Variants in NKX6-3 observed in about 807,000 individuals in gnomAD.
NKX6-3 encodes the protein homeobox protein Nkx-6.3.
A neutral mutation model predicts 22.0 loss-of-function variants in NKX6-3; 17 were observed. The observed-to-expected ratio is 0.77, with a 90% CI of 0.53 to 1.16. The LOEUF is 1.16. Among genes scored for constraint, NKX6-3 ranks in the 50% most tolerant of loss-of-function variants. The pLI is 0.00. For missense variants in NKX6-3, 363 were observed against 359.0 expected (o/e 1.01, Z -0.09); for synonymous variants, 177 against 167.2 (o/e 1.06, Z -0.45).
At position 41,650,377 on chromosome 8, in the gene NKX6-3, C is replaced by T. The variant is rs767690864; in HGVS notation, c.116G>A (p.Ser39Asn). 2.0e-6 allele frequency: 3 copies of T among 1,535,470 alleles called. No individual in the cohort carries two copies. Among genetic ancestry groups the T allele is most frequent in the Non-Finnish European group, 8.7e-7 (1 of 1,146,580 alleles). The change falls in exon 1 of 3, where the codon AGC (serine) becomes AAC (asparagine). Residue 39 changes from serine (S) to asparagine (N), a missense_variant. Around this residue, in one of 3 missense-constraint regions of NKX6-3, gnomAD observed 175 missense variants for 160.9 expected, o/e 1.09. Transcript: ENST00000518699. Reference sequence around the variant, plus strand: ...CAGCTGGGGGCCCAGCCCTGGGGGGCTGAGCTTGTAGAAGGAGTTCTGCAC... The same window carrying T: ...CAGCTGGGGGCCCAGCCCTGGGGGGTTGAGCTTGTAGAAGGAGTTCTGCAC... Reference protein sequence around the residue: ...YSVQNSFYKLSPPGLGPQLAA... With the variant: ...YSVQNSFYKLNPPGLGPQLAA...
chr8:41,649,856 G>C (rs892567453), intron 1 of NKX6-3, among the ~76,000 whole-genome samples: 2 of 152,092 alleles, frequency 1.3e-5, no homozygotes, highest in African/African-American at 4.8e-5. Flanking sequence ...GAACTGCCGG[G>C]GGCCCTAGGA....
Position 41,650,596 on chromosome 8 carries a change from T to C in NKX6-3, c.-104A>G. 1 of 1,192,680 alleles carries C rather than the reference T, an allele frequency of 8.4e-7. No individual in the cohort carries two copies. The highest frequency in any genetic ancestry group is 1.1e-6 in the Non-Finnish European group (1 of 872,576). The allele number at this position is 1,192,680 out of a possible 1,614,324, so 73.9% of individuals were successfully genotyped here. A position where few individuals can be genotyped will look rare whatever the true frequency, so the allele number is the denominator to read the frequency against. ...GCAGGCCTGGAGGCTTAGGACCGTC[T>C]CCGAGCTCCTGACTGCCTCCCACCT... On this transcript the variant is annotated 5_prime_UTR_variant, in exon 1 of 3. Coordinates refer to ENST00000518699, the MANE Select transcript of NKX6-3 (RefSeq NM_001364841.2).
At chr8:41,650,064 G>A (rs1440114844) in intron 1 of NKX6-3, 47 bp downstream of exon 1, 5 of 1,495,848 alleles carry the variant, frequency 3.3e-6, no homozygotes, top group East Asian at 2.5e-5. Context: ...TCTGCCCCCC[G>A]GGGCCTGGCG....
chr8:41,649,567 C>T (rs928778791), intron 1 of NKX6-3, among the ~76,000 whole-genome samples: 22 of 152,328 alleles, frequency 1.4e-4, no homozygotes, highest in Middle Eastern at 6.8e-3. Context: ...AGACAGGCTA[C>T]TTGGTGTGGC....
intron 1 of NKX6-3, 127 bp downstream of exon 1, chr8:41,649,984 C>G: frequency 9.7e-7 from 1 of 1,027,284 alleles, no homozygotes; most frequent in South Asian, 1.7e-5. Flanking sequence ...GGCTACGAGT[C>G]CAGGGGTTAA....
intron 2 of NKX6-3, 141 bp from the exon 3 acceptor site, chr8:41,646,835 A>G: frequency 7.9e-7 from 1 of 1,261,706 alleles, no homozygotes; most frequent in South Asian, 1.4e-5. Flanking sequence ...GAAGGACAAT[A>G]AAATTTAAAA....
intron 1 of NKX6-3, among the ~76,000 whole-genome samples, chr8:41,649,257 GGGTTCCCTA>G (rs1182718341): frequency 1.3e-5 from 2 of 152,094 alleles, no homozygotes; most frequent in Non-Finnish European, 2.9e-5. Context: ...TGTGCTTTTG[GGGTTCCCTA>G]GGTTGGCCCC....
Position 41,650,794 on chromosome 8 carries a change from G to A in NKX6-3, c.-302C>T. ...AGACCCCCTTTCTGCCTCTGAGTCG[G>A]GGGACCCTCCATGAGAAGTTTTAAG... On this transcript the variant is annotated 5_prime_UTR_variant, in exon 1 of 3. Transcript: ENST00000518699. 1 of 338,864 alleles carries A rather than the reference G, an allele frequency of 3.0e-6. No homozygotes were observed. Among genetic ancestry groups the A allele is most frequent in the African/African-American group, 2.2e-5 (1 of 46,340 alleles). 21.0% of individuals were successfully genotyped at this position (338,864 alleles called of 1,614,324 possible).
chr8:41,648,348 A>G, intron 1 of NKX6-3, 113 bp from the exon 2 acceptor site: 1 of 879,670 alleles, frequency 1.1e-6, no homozygotes, highest in Non-Finnish European at 1.7e-6. Flanking sequence ...AGAGGTTTCC[A>G]GGACACCAAG....
chr8:41,647,805 T>C (rs897091255), intron 2 of NKX6-3, among the ~76,000 whole-genome samples: 3 of 152,006 alleles, frequency 2.0e-5, no homozygotes, highest in African/African-American at 7.2e-5. Flanking sequence ...ATCTGCGAAA[T>C]GGGTGATGAT....
rs1804293872 is a variant in NKX6-3 at position 41,650,364 on chromosome 8, C to A, written c.129G>T (p.Leu43=). ...NSFYKLSPPG[L]GPQLAAGTPH... is the part of the protein sequence containing the mutation. ...GGGTTCCGGCGGCCAGCTGGGGGCC[C>A]AGCCCTGGGGGGCTGAGCTTGTAGA... The change falls in exon 1 of 3, where the codon CTG becomes CTT. Residue 43 remains leucine (L), a synonymous_variant. Transcript: ENST00000518699. 1 of 1,535,144 alleles carries A rather than the reference C, an allele frequency of 6.5e-7. No homozygotes were observed. Among genetic ancestry groups the A allele is most frequent in the East Asian group, 2.4e-5 (1 of 40,916 alleles).
Position 41,650,537 on chromosome 8 carries a change from C to T in NKX6-3, c.-45G>A, listed in dbSNP as rs1217330753. The T allele has an allele frequency of 3.3e-6, 5 of 1,521,398 alleles. No homozygotes were observed. Among genetic ancestry groups the T allele is most frequent in the South Asian group, 1.2e-5 (1 of 81,774 alleles). 94.2% of individuals were successfully genotyped at this position (1,521,398 alleles called of 1,614,324 possible). On this transcript the variant is annotated 5_prime_UTR_variant, in exon 1 of 3. Coordinates refer to ENST00000518699, the MANE Select transcript of NKX6-3 (RefSeq NM_001364841.2). Reference sequence around the variant, plus strand: ...GGAAGGCTTCTCCAGGCCCCTAAAACCCAAGAGCCCACTCTCTAGCCCCAA... The same window carrying T: ...GGAAGGCTTCTCCAGGCCCCTAAAATCCAAGAGCCCACTCTCTAGCCCCAA...
chr8:41,646,676 T>C lies in NKX6-3; in HGVS notation c.571A>G (p.Arg191Gly), dbSNP rs1804212095. 1 of 1,542,426 alleles carries C rather than the reference T, an allele frequency of 6.5e-7. No individual in the cohort carries two copies. The highest frequency in any genetic ancestry group is 1.4e-5 in the African/African-American group (1 of 72,584). Residue 191 changes from arginine to glycine, a missense_variant, in exon 3 of 3, where the codon AGG becomes GGG. Arg to Gly is a moderately radical substitution (Grantham distance 125, BLOSUM62 -2). Transcript: ENST00000518699. Reference protein sequence around the residue: ...SQVKVWFQNRRTKWRKKSALE... With the variant: ...SQVKVWFQNRGTKWRKKSALE... ...GCGCTCTTCTTCCGCCACTTGGTCC[T>C]GCGGTTCTGGAACCACACCTGCGAT...
chr8:41,647,177 A>T, intron 2 of NKX6-3: 1 of 1,612,330 alleles, frequency 6.2e-7, no homozygotes, highest in Non-Finnish European at 8.5e-7. Flanking sequence ...GGATAGTTGA[A>T]GAGGGCAGGA....
rs758105426 is a variant in NKX6-3 at position 41,646,638 on chromosome 8, C to T, written c.609G>A (p.Ser203=). The T allele has an allele frequency of 6.4e-7, 1 of 1,552,466 alleles. No homozygotes were observed. Among genetic ancestry groups the T allele is most frequent in the South Asian group, 1.2e-5 (1 of 84,606 alleles). ...KWRKKSALEP[S]SSTPRAPGGA... is the part of the protein sequence containing the mutation. ...CGCCCGGGGCCCGGGGCGTGGAGGA[C>T]GAGGGCTCCAGGGCGCTCTTCTTCC... The change falls in exon 3 of 3, where the codon TCG becomes TCA. Residue 203 remains serine, a synonymous_variant. Transcript: ENST00000518699.
In NKX6-3 at chr8:41,650,289, G is replaced by A. The variant is rs1191892282; in HGVS notation, c.204C>T (p.Asn68=). The part of the protein sequence containing the change: ...ILSRPVAAPN[N]SLLSGYPHVA... ...CGTGGGGGTAGCCGGAGAGGAGGCT[G>A]TTGTTCGGCGCAGCCACGGGCCTGC... The change falls in exon 1 of 3, where the codon AAC becomes AAT. Residue 68 remains asparagine, a synonymous_variant. Coordinates refer to ENST00000518699, the MANE Select transcript of NKX6-3 (RefSeq NM_001364841.2). 2 of 1,534,390 alleles carry A rather than the reference G, an allele frequency of 1.3e-6. No individual in the cohort carries two copies. The highest frequency in any genetic ancestry group is 2.7e-5 in the African/African-American group (2 of 73,030).
rs1181282371 is a variant in NKX6-3 at position 41,648,099 on chromosome 8, T to C, written c.519A>G (p.Ala173=). 6.5e-7 allele frequency: 1 copy of C among 1,536,140 alleles called. No individual in the cohort carries two copies. Among genetic ancestry groups the C allele is most frequent in the Non-Finnish European group, 8.7e-7 (1 of 1,146,710 alleles). The part of the protein sequence containing the change: ...YLAGPERARL[A]YSLGMTESQV... The stretch of plus-strand genomic sequence containing the variant: ...GCGACTCGGTCATGCCCAGTGAGTA[T>C]GCCAGCCGTGCCCTCTCGGGGCCAG... Residue 173 remains alanine, a synonymous_variant, in exon 2 of 3, where the codon GCA becomes GCG. Coordinates refer to ENST00000518699, the MANE Select transcript of NKX6-3 (RefSeq NM_001364841.2).
At chr8:41,649,033 T>C (rs1804263738) in intron 1 of NKX6-3, among the ~76,000 whole-genome samples, 1 of 152,158 alleles carries the variant, frequency 6.6e-6, no homozygotes, top group Admixed American at 6.5e-5. Context: ...CATTCAGGAC[T>C]GAAGAGGTGG....
Position 41,646,622 on chromosome 8 carries a change from C to A in NKX6-3, c.625G>T (p.Ala209Ser). The change falls in exon 3 of 3, where the codon GCC (alanine) becomes TCC (serine). Residue 209 changes from alanine to serine, a missense_variant. Physicochemically the swap from Ala to Ser is moderately conservative, Grantham distance 99. Around this residue, in one of 3 missense-constraint regions of NKX6-3, gnomAD observed 169 missense variants for 155.8 expected, o/e 1.08. Coordinates refer to ENST00000518699, the MANE Select transcript of NKX6-3 (RefSeq NM_001364841.2). ...GCGCCTGCACCCGCGCCGCCCGGGG[C>A]CCGGGGCGTGGAGGACGAGGGCTCC... ...ALEPSSSTPRAPGGAGAGAGG... is the reference protein window; with the variant it reads ...ALEPSSSTPRSPGGAGAGAGG... 2 of 1,558,868 alleles carry A rather than the reference C, an allele frequency of 1.3e-6. No homozygotes were observed. The highest frequency in any genetic ancestry group is 1.7e-6 in the Non-Finnish European group (2 of 1,152,246).
Sources: allele counts gnomAD v4.1 joint callset (sites outside exome capture counted in the v4.1 genomes callset), GRCh38; gene constraint gnomAD v4.1.1; regional missense constraint gnomAD v4.1.1; transcripts MANE v1.5; gene names NCBI Gene and HGNC (gene_info 2026-07-23, HGNC 2026-07-21).